OXR1: variants seen among roughly 807,000 people sequenced by gnomAD.
OXR1 encodes the protein oxidation resistance 1.
A neutral mutation model predicts 104.6 loss-of-function variants in OXR1; 41 were observed. That is an observed-to-expected ratio of 0.39 (90% CI 0.31 to 0.51). The LOEUF is 0.51. OXR1 is among the 20% of genes least tolerant of loss of function. OXR1 has a pLI of 0.77. For missense variants in OXR1, 955 were observed against 1,031.9 expected (o/e 0.93, Z 1.02); for synonymous variants, 348 against 348.4 (o/e 1.00, Z 0.01).
At chr8:106,466,434 G>A (rs894447630) in intron 2 of OXR1, among the ~76,000 whole-genome samples, 4 of 151,746 alleles carry the variant, frequency 2.6e-5, no homozygotes, top group African/African-American at 9.7e-5. Flanking sequence ...CATTAAACTA[G>A]TGTAGTTTGA....
At chr8:106,382,064 A>G (rs926300732) in intron 2 of OXR1, among the ~76,000 whole-genome samples, 1 of 152,208 alleles carries the variant, frequency 6.6e-6, no homozygotes, top group African/African-American at 2.4e-5. Flanking sequence ...CGATTTCACT[A>G]TCTGTAGATT....
At chr8:106,374,683 C>T (rs1167397838) in intron 2 of OXR1, among the ~76,000 whole-genome samples, 1 of 152,150 alleles carries the variant, frequency 6.6e-6, no homozygotes, top group African/African-American at 2.4e-5. Flanking sequence ...ATGATTTTAG[C>T]AACTTCAGTG....
chr8:106,430,777 T>C (rs1819331354), intron 2 of OXR1, among the ~76,000 whole-genome samples: 1 of 152,202 alleles, frequency 6.6e-6, no homozygotes, highest in East Asian at 1.9e-4. Context: ...GCAGTCTGCT[T>C]GCTAGTTCCT....
chr8:106,714,355 A>G (rs577796774), intron 11 of OXR1, among the ~76,000 whole-genome samples: 1 of 152,148 alleles, frequency 6.6e-6, no homozygotes, highest in East Asian at 1.9e-4. Context: ...TTTTAATTTC[A>G]TCTCCTCCAT....
intron 2 of OXR1, among the ~76,000 whole-genome samples, chr8:106,496,793 T>TA (rs1428926433): frequency 6.6e-6 from 1 of 152,180 alleles, no homozygotes; most frequent in African/African-American, 2.4e-5. Flanking sequence ...CAGTCGCACT[T>TA]ATGATTCCCT....
rs766745028 is a variant in OXR1 at position 106,684,389 on chromosome 8, A to G, written c.525+30A>G. ...GTATCTCTGCTTTGCAAAGATGGCG[A>G]TGAAGAAATCTCACTTTGTCTACAT... On this transcript the variant is annotated intron_variant, in intron 6 of 16. Coordinates refer to ENST00000517566, the MANE Select transcript of OXR1 (RefSeq NM_001198533.2). The G allele has an allele frequency of 3.0e-5, 32 of 1,069,304 alleles. No homozygotes were observed. Among genetic ancestry groups the G allele is most frequent in the Non-Finnish European group, 4.4e-5 (30 of 685,404 alleles). The allele number at this position is 1,069,304 out of a possible 1,614,324, so 66.2% of individuals were successfully genotyped here. A position where few individuals can be genotyped will look rare whatever the true frequency, so the allele number is the denominator to read the frequency against.
intron 1 of OXR1, among the ~76,000 whole-genome samples, chr8:106,324,693 C>G (rs1346636182): frequency 1.3e-5 from 2 of 152,072 alleles, no homozygotes; most frequent in Non-Finnish European, 2.9e-5. Flanking sequence ...GGATGCTGAG[C>G]CCCCATCTGT....
At chr8:106,275,734 G>A (rs1812010373) in intron 1 of OXR1, among the ~76,000 whole-genome samples, 1 of 152,150 alleles carries the variant, frequency 6.6e-6, no homozygotes, top group African/African-American at 2.4e-5. Flanking sequence ...AGGGTCATGT[G>A]AGAATTTTAT....
At chr8:106,401,587 G>A (rs1307790870) in intron 2 of OXR1, among the ~76,000 whole-genome samples, 5 of 152,090 alleles carry the variant, frequency 3.3e-5, no homozygotes, top group Non-Finnish European at 7.4e-5. Flanking sequence ...TAGATTAGTT[G>A]GAGTAACACA....
At chr8:106,630,953 T>C (rs1822630674) in intron 3 of OXR1, among the ~76,000 whole-genome samples, 1 of 152,148 alleles carries the variant, frequency 6.6e-6, no homozygotes, top group South Asian at 2.1e-4. Flanking sequence ...TAAGGGACTT[T>C]TGGGGGTTGG....
At chr8:106,506,893 C>T (rs989925520) in intron 2 of OXR1, among the ~76,000 whole-genome samples, 2 of 151,720 alleles carry the variant, frequency 1.3e-5, no homozygotes, top group African/African-American at 4.8e-5. Context: ...GAATTCAAGA[C>T]CAAGCTGGGC....
At chr8:106,488,482 A>G (rs1810846996) in intron 2 of OXR1, among the ~76,000 whole-genome samples, 1 of 151,896 alleles carries the variant, frequency 6.6e-6, no homozygotes, top group Non-Finnish European at 1.5e-5. Flanking sequence ...GGTGTTTTAG[A>G]CATGAAGTCC....
chr8:106,445,407 A>C (rs1819971522), intron 2 of OXR1, among the ~76,000 whole-genome samples: 1 of 152,204 alleles, frequency 6.6e-6, no homozygotes, highest in South Asian at 2.1e-4. Flanking sequence ...ATCCATCTGC[A>C]GGATACTGAA....
chr8:106,577,361 C>T (rs1386900830), intron 3 of OXR1, among the ~76,000 whole-genome samples: 2 of 148,296 alleles, frequency 1.3e-5, no homozygotes, highest in Non-Finnish European at 3.0e-5. Flanking sequence ...CAGGCGCCCG[C>T]CACTATGCCC....
At chr8:106,461,122 G>A (rs1820888830) in intron 2 of OXR1, among the ~76,000 whole-genome samples, 1 of 152,048 alleles carries the variant, frequency 6.6e-6, no homozygotes, top group Non-Finnish European at 1.5e-5. Context: ...GGCCTCAAAA[G>A]CAAATTAGGG....
chr8:106,638,377 T>A (rs1823334339), intron 3 of OXR1, among the ~76,000 whole-genome samples: 1 of 152,178 alleles, frequency 6.6e-6, no homozygotes, highest in Non-Finnish European at 1.5e-5. Context: ...TACTTACGCA[T>A]TTTTTAGTAC....
intron 3 of OXR1, among the ~76,000 whole-genome samples, chr8:106,573,274 A>C (rs1407665057): frequency 6.6e-6 from 1 of 152,012 alleles, no homozygotes; most frequent in Admixed American, 6.6e-5. Flanking sequence ...ACATACACAG[A>C]ATAATGTTTG....
In OXR1 at chr8:106,716,480, C is replaced by T. The variant is rs1158828498; in HGVS notation, c.1956+2495C>T. Among the ~76,000 whole-genome samples, 8 of 85,698 alleles carry T rather than the reference C, an allele frequency of 9.3e-5. 1 individual carries two copies. The highest frequency in any genetic ancestry group is 2.1e-4 in the Admixed American group (2 of 9,718). 56.2% of individuals were successfully genotyped at this position (85,698 alleles called of 152,430 possible). A position where few individuals can be genotyped will look rare whatever the true frequency, so the allele number is the denominator to read the frequency against. On this transcript the variant is annotated intron_variant, in intron 11 of 16. Transcript: ENST00000517566. ...TCTACTAAAAATACAAAAAATTAGC[C>T]GGGCGCGGTGGTGGGTGCCTGTAGT...
At chr8:106,442,813 C>G (rs1670394) in intron 2 of OXR1, among the ~76,000 whole-genome samples, 9,949 of 152,124 alleles carry the variant, frequency 0.065, 386 homozygotes, top group Non-Finnish European at 0.087. Context: ...CATCTTCCCT[C>G]TTAGTCTAGC....
Sources: allele counts gnomAD v4.1 joint callset (sites outside exome capture counted in the v4.1 genomes callset), GRCh38; gene constraint gnomAD v4.1.1; transcripts MANE v1.5; gene names NCBI Gene and HGNC (gene_info 2026-07-23, HGNC 2026-07-21).